Variants in NRL observed in about 807,000 individuals in gnomAD.
NRL encodes neural retina-specific leucine zipper protein.
NRL carries 16 observed loss-of-function variants against 12.5 expected under a neutral mutation model. That is an observed-to-expected ratio of 1.28 (90% confidence interval 0.87 to 1.95). The LOEUF is 1.95. Ranked by LOEUF, NRL falls within the 30% of genes most tolerant of loss-of-function variation. NRL has a pLI of 0.00. For missense variants in NRL, 314 were observed against 325.8 expected (o/e 0.96, Z 0.28); for synonymous variants, 142 against 150.9 (o/e 0.94, Z 0.43).
intron 1 of NRL, 82 bp downstream of exon 1, chr14:24,114,640 T>C (rs945965467): frequency 2.0e-6 from 2 of 977,138 alleles, no homozygotes; most frequent in African/African-American, 3.5e-5. Context: ...TCCCACTTAC[T>C]CCTCCCCAGC....
chr14:24,081,511 G>A lies in NRL; in HGVS notation c.439C>T (p.Arg147Trp), dbSNP rs748103188. 33 of 1,602,710 alleles carry A rather than the reference G, an allele frequency of 2.1e-5. No individual in the cohort carries two copies. The highest frequency in any genetic ancestry group is 2.7e-5 in the Non-Finnish European group (32 of 1,176,308). The change falls in exon 3 of 3, where the codon CGG becomes TGG. Residue 147 changes from arginine to tryptophan, a missense_variant. Transcript: ENST00000561028. This position sits in a 1 kb window ranked among gnomAD's most constrained non-coding sequence, Gnocchi z 4.4. ...TCGCGCCCGCAGCCCCGCAGCTGCCGGTTTAGCTCCCGCACAGACATCGAG... is the reference window on the plus strand; with the variant it reads ...TCGCGCCCGCAGCCCCGCAGCTGCCAGTTTAGCTCCCGCACAGACATCGAG... ...LVSMSVRELN[R>W]QLRGCGRDEA...
intron 1 of NRL, among the ~76,000 whole-genome samples, chr14:24,083,255 CTTAA>C (rs1188346894): frequency 6.6e-6 from 1 of 152,280 alleles, no homozygotes; most frequent in East Asian, 1.9e-4. Context: ...TTTTAAATTG[CTTAA>C]TTAACTGTGA....
intron 1 of NRL, among the ~76,000 whole-genome samples, chr14:24,092,297 G>A (rs2036654460): frequency 6.6e-6 from 1 of 152,162 alleles, no homozygotes; most frequent in Non-Finnish European, 1.5e-5. Context: ...CTAAGGCCCT[G>A]GCCATGGGGA....
chr14:24,093,283 G>A (rs2036693832), intron 1 of NRL: 1 of 152,306 alleles, frequency 6.6e-6, no homozygotes, highest in African/African-American at 2.4e-5. Flanking sequence ...GTCTCAGGTT[G>A]GAGAGAGATG....
rs1367862787 is a variant in NRL, at chr14:24,080,259, T to C, written c.*977A>G. 1 of 151,958 alleles carries C rather than the reference T, an allele frequency of 6.6e-6. No individual in the cohort carries two copies. Among genetic ancestry groups the C allele is most frequent in the Non-Finnish European group, 1.5e-5 (1 of 67,964 alleles). The allele number at this position is 151,958 out of a possible 1,614,324, so 9.4% of individuals were successfully genotyped here. On this transcript the variant is annotated 3_prime_UTR_variant, in exon 3 of 3. Transcript: ENST00000561028. ...CCTCAGCCCTCAGAGAGGTGGGAGG[T>C]GGCAGGAGCACCCTGTGCAGGTCTG...
chr14:24,080,340 A>T lies in NRL; in HGVS notation c.*896T>A, dbSNP rs926870454. On this transcript the variant is annotated 3_prime_UTR_variant, in exon 3 of 3. Transcript: ENST00000561028. ...AGGACCCACGTATGTGCTCACAGAGAAGCCAGGCTTCCTCGCCTGGGCTGT... is the reference window on the plus strand; with the variant it reads ...AGGACCCACGTATGTGCTCACAGAGTAGCCAGGCTTCCTCGCCTGGGCTGT... 6.6e-6 allele frequency: 1 copy of T among 152,144 alleles called. No individual in the cohort carries two copies. The highest frequency in any genetic ancestry group is 1.5e-5 in the Non-Finnish European group (1 of 67,998). The allele number at this position is 152,144 out of a possible 1,614,324, so 9.4% of individuals were successfully genotyped here.
intron 1 of NRL, among the ~76,000 whole-genome samples, chr14:24,104,648 A>AC (rs949189738): frequency 1.4e-4 from 20 of 147,982 alleles, no homozygotes; most frequent in Non-Finnish European, 2.4e-4. Flanking sequence ...CACAAAAAAA[A>AC]AAAACAAAAC....
At chr14:24,092,320 T>G (rs2036655068) in intron 1 of NRL, among the ~76,000 whole-genome samples, 1 of 152,134 alleles carries the variant, frequency 6.6e-6, no homozygotes, top group South Asian at 2.1e-4. Context: ...GTTGCAGACT[T>G]GAGGGCTAAT....
chr14:24,098,689 G>A, intron 1 of NRL: 1 of 1,610,820 alleles, frequency 6.2e-7, no homozygotes. Context: ...GTAAGCACCT[G>A]CTCTGCCCCA....
chr14:24,087,369 G>C (rs2036491742), intron 1 of NRL, among the ~76,000 whole-genome samples: 1 of 152,142 alleles, frequency 6.6e-6, no homozygotes, highest in South Asian at 2.1e-4. Context: ...AGTGGCCAAA[G>C]GACAGAAAGG....
intron 1 of NRL, among the ~76,000 whole-genome samples, chr14:24,104,412 G>A (rs924623089): frequency 4.0e-5 from 6 of 151,470 alleles, no homozygotes; most frequent in South Asian, 4.2e-4. Flanking sequence ...CACAGATCAC[G>A]AGGTCAGGGG....
At chr14:24,103,236 T>C (rs1373614347) in intron 1 of NRL, 1 of 1,613,770 alleles carries the variant, frequency 6.2e-7, no homozygotes, top group Non-Finnish European at 8.5e-7. Context: ...CTGAGTCCAC[T>C]GCTGCAGCAG....
At chr14:24,111,884 G>A (rs538281426) in intron 1 of NRL, among the ~76,000 whole-genome samples, 148 of 122,728 alleles carry the variant, frequency 1.2e-3, no homozygotes, top group African/African-American at 3.0e-3. Flanking sequence ...TTGAATAGGA[G>A]CGGTGAGAGA....
At chr14:24,098,480 A>C (rs749256039) in intron 1 of NRL, 1 of 1,614,086 alleles carries the variant, frequency 6.2e-7, no homozygotes, top group Non-Finnish European at 8.5e-7. Flanking sequence ...CACAGGCCGC[A>C]CCATGTATGT....
In NRL at chr14:24,101,274, G is replaced by A. The variant is rs545238776; in HGVS notation, c.-28+13448C>T. 2.0e-5 allele frequency among the ~76,000 whole-genome samples: 3 copies of A among 152,318 alleles called. No homozygotes were observed. In the South Asian group the frequency reaches 6.2e-4, roughly 32 times the overall value. ...ATTCCCAGAATAATACCCTGTGTTA[G>A]GATTCTGCACTGGGTGCTGAAGAAG... is the stretch of plus-strand genomic sequence containing the variant. On this transcript the variant is annotated intron_variant, in intron 1 of 2. Transcript: ENST00000561028.
intron 1 of NRL, among the ~76,000 whole-genome samples, chr14:24,106,821 C>T (rs373961698): frequency 6.6e-6 from 1 of 152,122 alleles, no homozygotes; most frequent in South Asian, 2.1e-4. Context: ...AACTGAATAC[C>T]GTCAAAAGCA....
intron 1 of NRL, among the ~76,000 whole-genome samples, chr14:24,111,569 G>A (rs952643734): frequency 2.0e-5 from 3 of 151,414 alleles, no homozygotes; most frequent in African/African-American, 7.3e-5. Context: ...GTTTCACCAT[G>A]TTGGCCAGGC....
intron 1 of NRL, among the ~76,000 whole-genome samples, chr14:24,106,769 T>A (rs2037345962): frequency 1.3e-5 from 2 of 151,166 alleles, no homozygotes; most frequent in Admixed American, 1.3e-4. Flanking sequence ...AAAATAATAA[T>A]AAAACACAGC....
At position 24,094,676 on chromosome 14, in the gene NRL, C is replaced by T; in HGVS notation, c.-27-11801G>A. 1 of 1,515,652 alleles carries T rather than the reference C, an allele frequency of 6.6e-7. No individual in the cohort carries two copies. The highest frequency in any genetic ancestry group is 8.8e-7 in the Non-Finnish European group (1 of 1,134,162). The allele number at this position is 1,515,652 out of a possible 1,614,324, so 93.9% of individuals were successfully genotyped here. ...TCTGCCTCGCTCGCCTCTGACCGCG[C>T]GATCTCTATCTGCCACTCTCAGAAC... is the stretch of plus-strand genomic sequence containing the variant. On this transcript the variant is annotated intron_variant, in intron 1 of 2. Transcript: ENST00000561028. This position sits in a 1 kb window ranked among gnomAD's most constrained non-coding sequence, Gnocchi z 4.1.
Sources: gnomAD v4.1 joint callset for allele counts (sites outside exome capture counted in the v4.1 genomes callset) on GRCh38, gnomAD v4.1.1 for gene constraint, Gnocchi (gnomAD v3.1) non-coding constraint, MANE v1.5 for transcripts, NCBI Gene and HGNC (gene_info 2026-07-23, HGNC 2026-07-21) for gene names.